Variants in CARD8 observed in about 807,000 individuals in gnomAD.
The protein encoded by CARD8 is caspase recruitment domain family member 8, also known as caspase recruitment domain-containing protein 8.
In CARD8, 38 loss-of-function variants were observed where a neutral mutation model predicts 53.2. That is an observed-to-expected ratio of 0.71 (90% confidence interval 0.55 to 0.94). The LOEUF is 0.94. Among genes scored for constraint, CARD8 ranks in the 40% least tolerant of loss-of-function variants. CARD8 has a pLI of 0.00. For missense variants in CARD8, 561 were observed against 655.5 expected (o/e 0.86, Z 1.57); for synonymous variants, 245 against 244.9 (o/e 1.00, Z 0.00).
rs192418774 is a variant in CARD8, at chr19:48,235,177, G to A, written c.210-634C>T. ...CAGATATGGAACATGAGAGTCCTAT[G>A]CTAGATCCTTTTCTCTTCTTCATTT... is the stretch of plus-strand genomic sequence containing the variant. On this transcript the variant is annotated intron_variant, in intron 5 of 13. Transcript: ENST00000651546. 1.3e-3 allele frequency among the ~76,000 whole-genome samples: 201 copies of A among 151,672 alleles called. 1 individual carries two copies. Among genetic ancestry groups the A allele is most frequent in the African/African-American group, 4.8e-3 (198 of 40,994 alleles).
intron 10 of CARD8, among the ~76,000 whole-genome samples, chr19:48,225,921 C>T (rs1342773244): frequency 3.3e-5 from 5 of 151,954 alleles, no homozygotes; most frequent in African/African-American, 1.2e-4. Flanking sequence ...GGCATGGTGG[C>T]GTGCGCCTAT....
chr19:48,244,459 G>A (rs1448585806), intron 3 of CARD8, among the ~76,000 whole-genome samples: 3 of 152,202 alleles, frequency 2.0e-5, no homozygotes, highest in Non-Finnish European at 2.9e-5. Flanking sequence ...AAAACATAAA[G>A]AAGTCAGGAA....
At chr19:48,205,528 C>T (rs2037311492), downstream of CARD8, among the ~76,000 whole-genome samples, 1 of 152,146 alleles carries the variant, frequency 6.6e-6, no homozygotes, top group Non-Finnish European at 1.5e-5. Context: ...CTGCGCCTGG[C>T]CCATATACAA....
rs1232136554 is a variant in CARD8, at chr19:48,230,878, T to C, written c.671A>G (p.His224Arg). 6.2e-7 allele frequency: 1 copy of C among 1,614,180 alleles called. No homozygotes were observed. The highest frequency in any genetic ancestry group is 1.7e-5 in the Admixed American group (1 of 60,014). Residue 224 changes from histidine to arginine, a missense_variant, in exon 9 of 14, where the codon CAC (histidine) becomes CGC (arginine). By Grantham distance (29) the His-to-Arg change is conservative. Coordinates refer to ENST00000651546, the MANE Select transcript of CARD8 (RefSeq NM_001184900.3). ...WSQHLALDLQ[H>R]HEQWLVGGPL... ...GCCGCCCACCAGCCACTGTTCATGGTGCTGCAGGTCCAGGGCCAGGTGCTG... is the reference window on the plus strand; with the variant it reads ...GCCGCCCACCAGCCACTGTTCATGGCGCTGCAGGTCCAGGGCCAGGTGCTG...
At chr19:48,204,201 C>G, downstream of CARD8, 1 of 455,792 alleles carries the variant, frequency 2.2e-6, no homozygotes, top group South Asian at 1.5e-5. Flanking sequence ...AGCCGCTCAG[C>G]GCGCAGGAGG....
rs1325462596 is a variant in CARD8, at chr19:48,232,481, C to T, written c.363G>A (p.Glu121=). The change falls in exon 7 of 14, where the codon GAG becomes GAA. Residue 121 remains glutamate, a synonymous_variant. Coordinates refer to ENST00000651546, the MANE Select transcript of CARD8 (RefSeq NM_001184900.3). ...AATCTTGTCCCTCTGAAGATTCCTG[C>T]TCTTCTGATACACTGGAGGTTGGGA... ...SGGDIPSVSE[E]QESSEGQDSG... 7.8e-6 allele frequency: 12 copies of T among 1,535,954 alleles called. No homozygotes were observed. The highest frequency in any genetic ancestry group is 1.0e-5 in the Non-Finnish European group (12 of 1,146,708).
intron 10 of CARD8, among the ~76,000 whole-genome samples, chr19:48,225,618 G>A (rs749782879): frequency 6.6e-6 from 1 of 152,154 alleles, no homozygotes; most frequent in Non-Finnish European, 1.5e-5. Flanking sequence ...TCTTGCAAGG[G>A]AAACACAAAG....
In CARD8 at chr19:48,230,897, G is replaced by T. The variant is rs752967190; in HGVS notation, c.652C>A (p.Leu218Met). ...TIAFGSWSQHLALDLQHHEQW... is the reference protein window; with the variant it reads ...TIAFGSWSQHMALDLQHHEQW... ...TCATGGTGCTGCAGGTCCAGGGCCA[G>T]GTGCTGACTCCAGGAACCAAACGCA... The change falls in exon 9 of 14, where the codon CTG becomes ATG. Residue 218 changes from leucine (L) to methionine (M), a missense_variant. By Grantham distance (15) the Leu-to-Met change is conservative. Coordinates refer to ENST00000651546, the MANE Select transcript of CARD8 (RefSeq NM_001184900.3). 6.2e-7 allele frequency: 1 copy of T among 1,614,184 alleles called. No individual in the cohort carries two copies. The highest frequency in any genetic ancestry group is 1.1e-5 in the South Asian group (1 of 91,078).
chr19:48,222,607 T>C (rs1289533534), intron 10 of CARD8, among the ~76,000 whole-genome samples: 1 of 151,576 alleles, frequency 6.6e-6, no homozygotes, highest in Non-Finnish European at 1.5e-5. Context: ...GAGAATCACT[T>C]GAACCCAGGA....
chr19:48,204,943 T>C (rs900084309), downstream of CARD8, among the ~76,000 whole-genome samples: 1 of 152,178 alleles, frequency 6.6e-6, no homozygotes, highest in Non-Finnish European at 1.5e-5. Context: ...AAATGCATAA[T>C]ATTGTAGTTA....
In CARD8 at chr19:48,223,743, CTTT is replaced by C. The variant is rs774045243; in HGVS notation, c.1036-1891_1036-1889del. On this transcript the variant is annotated intron_variant, in intron 10 of 13. Coordinates refer to ENST00000651546, the MANE Select transcript of CARD8 (RefSeq NM_001184900.3). ...CCACTGGATTAATTTTCTTAACCTT[CTTT>C]ATTTGTTATAGTTCTTATCATATGC... 789 of 420,284 alleles carry C rather than the reference CTTT, an allele frequency of 1.9e-3. 17 individuals are homozygous for C. Among genetic ancestry groups the C allele is most frequent in the Non-Finnish European group, 6.1e-4 (128 of 210,900 alleles). The allele number at this position is 420,284 out of a possible 1,614,324, so 26.0% of individuals were successfully genotyped here.
At chr19:48,218,048 G>A (rs919822297) in intron 12 of CARD8, among the ~76,000 whole-genome samples, 1 of 152,074 alleles carries the variant, frequency 6.6e-6, no homozygotes, top group Non-Finnish European at 1.5e-5. Flanking sequence ...CCCTAGGTTC[G>A]AGGGTTTCCA....
intron 12 of CARD8, among the ~76,000 whole-genome samples, chr19:48,216,579 G>T (rs548570372): frequency 1.3e-5 from 2 of 152,294 alleles, no homozygotes; most frequent in Admixed American, 1.3e-4. Context: ...CATGTGCACC[G>T]CCTCAACAAG....
chr19:48,231,132 A>G, intron 8 of CARD8, 126 bp from the exon 9 acceptor site: 1 of 711,896 alleles, frequency 1.4e-6, no homozygotes, highest in East Asian at 2.7e-5. Flanking sequence ...CTTTCACTAC[A>G]TTAGAAAACG....
chr19:48,223,668 T>C (rs60167638), intron 10 of CARD8: 7,672 of 333,918 alleles, frequency 0.023, 453 homozygotes, highest in African/African-American at 0.13. Context: ...CCATATCACA[T>C]TGCTAGGGTT....
chr19:48,230,398 A>C, intron 10 of CARD8, 40 bp downstream of exon 10: 1 of 1,553,736 alleles, frequency 6.4e-7, no homozygotes, highest in Non-Finnish European at 8.7e-7. Context: ...CTGGAAATAT[A>C]ATCGTCATCT....
chr19:48,208,983 C>CAAAAAAAAAAAAAAAAAAAAAAAAAA lies in CARD8; in HGVS notation c.*2726_*2727insTTTTTTTTTTTTTTTTTTTTTTTTTT. On this transcript the variant is annotated 3_prime_UTR_variant, in exon 14 of 14. Coordinates refer to ENST00000651546, the MANE Select transcript of CARD8 (RefSeq NM_001184900.3). ...TAGATGACAGAGCGAGACTCCATCT[C>CAAAAAAAAAAAAAAAAAAAAAAAAAA]AAAAAAAAAAAAAAAAAAAAAAAAA... is the stretch of plus-strand genomic sequence containing the variant. 2.1e-5 allele frequency: 1 copy of CAAAAAAAAAAAAAAAAAAAAAAAAAA among 48,108 alleles called. No individual in the cohort carries two copies. The highest frequency in any genetic ancestry group is 3.6e-5 in the Non-Finnish European group (1 of 27,668). 3.0% of individuals were successfully genotyped at this position (48,108 alleles called of 1,614,324 possible). A position where few individuals can be genotyped will look rare whatever the true frequency, so the allele number is the denominator to read the frequency against.
Position 48,231,671 on chromosome 19 carries a change from T to C in CARD8, c.531A>G (p.Thr177=), listed in dbSNP as rs761002689. The C allele has an allele frequency of 6.2e-6, 10 of 1,603,262 alleles. 1 individual carries two copies. Among genetic ancestry groups the C allele is most frequent in the Non-Finnish European group, 7.7e-6 (9 of 1,174,990 alleles). The change falls in exon 8 of 14, where the codon ACA becomes ACG. Residue 177 remains threonine, a synonymous_variant. Transcript: ENST00000651546. Reference sequence around the variant, plus strand: ...TCTTCCATTCTTACCTGTATCTGTTTGTGCTCTTATCAATCAACTCAACAT... The same window carrying C: ...TCTTCCATTCTTACCTGTATCTGTTCGTGCTCTTATCAATCAACTCAACAT... ...NVDVELIDKS[T]NRYSVWFPTA...
At position 48,209,884 on chromosome 19, in the gene CARD8, T is replaced by A. The variant is rs1021659617; in HGVS notation, c.*1826A>T. The A allele has an allele frequency of 2.0e-5, 3 of 152,324 alleles. No individual in the cohort carries two copies. The highest frequency in any genetic ancestry group is 2.0e-4 in the Admixed American group (3 of 15,280). The allele number at this position is 152,324 out of a possible 1,614,324, so 9.4% of individuals were successfully genotyped here. On this transcript the variant is annotated 3_prime_UTR_variant, in exon 14 of 14. Transcript: ENST00000651546. ...CAAAATTCTTATTTTGAAGGCCTTCTGGGCATATAAGCTATTGGAACTTGT... is the reference window on the plus strand; with the variant it reads ...CAAAATTCTTATTTTGAAGGCCTTCAGGGCATATAAGCTATTGGAACTTGT...
Sources: allele counts gnomAD v4.1 joint callset (sites outside exome capture counted in the v4.1 genomes callset), GRCh38; gene constraint gnomAD v4.1.1; transcripts MANE v1.5; gene names NCBI Gene and HGNC (gene_info 2026-07-23, HGNC 2026-07-21).